The following VPS13B variants were observed in gnomAD, a reference collection of about 807,000 sequenced individuals.
The protein encoded by VPS13B is intermembrane lipid transfer protein VPS13B.
In VPS13B, 285 loss-of-function variants were observed where a neutral mutation model predicts 426.4. That is an observed-to-expected ratio of 0.67 (90% CI 0.61 to 0.74). The LOEUF (loss-of-function observed/expected upper bound fraction) is 0.74, where lower values mean the gene tolerates loss of function less well. VPS13B is among the 30% of genes least tolerant of loss of function. The probability of loss-of-function intolerance (pLI) is 0.00; values close to 1 mark genes in which losing one functional copy is unlikely to be tolerated. For missense variants in VPS13B, 4,537 were observed against 4,782.6 expected, an observed-to-expected ratio of 0.95 and a Z score of 1.51; for synonymous variants, 1,676 against 1,676.4, an observed-to-expected ratio of 1.00 and a Z score of 0.01.
In VPS13B at chr8:99,838,130, T is replaced by G. The variant is rs1004288447; in HGVS notation, c.9942+2392T>G. On this transcript the variant is annotated intron_variant, in intron 54 of 61. Transcript: ENST00000357162. ...AACATGTAGGCTGCAGAATACCGAT[T>G]GTGAAGTTGCTGTGGGCTTTCTGTG... Among the ~76,000 whole-genome samples the G allele has an allele frequency of 1.2e-4, 19 of 152,222 alleles. 1 individual carries two copies. Among genetic ancestry groups the G allele is most frequent in the Admixed American group, 1.2e-3 (19 of 15,284 alleles).
At chr8:99,495,412 T>A (rs1038202109) in intron 25 of VPS13B, among the ~76,000 whole-genome samples, 2 of 152,244 alleles carry the variant, frequency 1.3e-5, no homozygotes, top group Non-Finnish European at 2.9e-5. Flanking sequence ...AGATCTGGTA[T>A]CTGAACTTCT....
chr8:99,535,320 T>C (rs1264706802), intron 30 of VPS13B, among the ~76,000 whole-genome samples: 2 of 152,236 alleles, frequency 1.3e-5, no homozygotes, highest in African/African-American at 4.8e-5. Context: ...TGTTGTATTG[T>C]ATTCTGTGTT....
In VPS13B at chr8:99,766,987, T is replaced by A. The variant is rs967196002; in HGVS notation, c.7247+17T>A. 8.7e-6 allele frequency: 14 copies of A among 1,611,482 alleles called. No homozygotes were observed. The highest frequency in any genetic ancestry group is 1.1e-5 in the Non-Finnish European group (13 of 1,178,042). ...TGACCAAAGGTAATTCATTGAAAGA[T>A]GATATGGTAGCATTACACTGGGAAA... is the stretch of plus-strand genomic sequence containing the variant. On this transcript the variant is annotated intron_variant, in intron 40 of 61. Transcript: ENST00000357162.
chr8:99,737,092 T>C (rs937394494), intron 39 of VPS13B, among the ~76,000 whole-genome samples: 3 of 147,028 alleles, frequency 2.0e-5, no homozygotes, highest in Non-Finnish European at 4.5e-5. Context: ...AGGAAAGCCT[T>C]TGAAGATGTC....
At chr8:99,215,301 A>G (rs183216064) in intron 17 of VPS13B, among the ~76,000 whole-genome samples, 6 of 152,302 alleles carry the variant, frequency 3.9e-5, no homozygotes, top group Admixed American at 2.0e-4. Context: ...TAGTGAGCAA[A>G]GTAAATCACT....
chr8:99,066,693 A>G lies in VPS13B; in HGVS notation c.291+28127A>G, dbSNP rs1844538091. The stretch of plus-strand genomic sequence containing the variant: ...AAAGAGCTTCTGCACAGCAAAAGAA[A>G]CTACCATCAGAGTGAACAGGCAACC... On this transcript the variant is annotated intron_variant, in intron 3 of 61. Transcript: ENST00000357162. Among the ~76,000 whole-genome samples the G allele has an allele frequency of 2.0e-5, 3 of 152,374 alleles. No individual in the cohort carries two copies. The Middle Eastern group carries it at 0.01, about 518-fold the overall frequency.
chr8:99,655,715 G>A (rs1829998572), intron 34 of VPS13B, among the ~76,000 whole-genome samples: 1 of 152,176 alleles, frequency 6.6e-6, no homozygotes, highest in Admixed American at 6.5e-5. Context: ...TTCAGGTGCT[G>A]TTAGGTTCCA....
intron 43 of VPS13B, among the ~76,000 whole-genome samples, chr8:99,786,887 T>G (rs1173956939): frequency 6.6e-6 from 1 of 152,130 alleles, no homozygotes; most frequent in Non-Finnish European, 1.5e-5. Context: ...TTCATTACAT[T>G]CACAGTTGAA....
intron 6 of VPS13B, among the ~76,000 whole-genome samples, chr8:99,114,469 C>G (rs1251972912): frequency 2.0e-5 from 3 of 152,138 alleles, no homozygotes; most frequent in African/African-American, 4.8e-5. Context: ...ATACTTATGA[C>G]AGATTCTTTG....
At position 99,721,065 on chromosome 8, in the gene VPS13B, A is replaced by G. The variant is rs1477876868; in HGVS notation, c.7050+18A>G. On this transcript the variant is annotated intron_variant, in intron 39 of 61. Transcript: ENST00000357162. ...TGCTACAGGTATGTAATGACCATTC[A>G]TTGTAAAATGAAAACATTGTGGGAA... 1 of 1,613,246 alleles carries G rather than the reference A, an allele frequency of 6.2e-7. No individual in the cohort carries two copies. Among genetic ancestry groups the G allele is most frequent in the East Asian group, 2.2e-5 (1 of 44,860 alleles).
chr8:99,508,638 T>G (rs1821628109), intron 28 of VPS13B, among the ~76,000 whole-genome samples: 1 of 152,154 alleles, frequency 6.6e-6, no homozygotes, highest in African/African-American at 2.4e-5. Context: ...TTCCTCTCTT[T>G]GAATGTTCAT....
intron 3 of VPS13B, among the ~76,000 whole-genome samples, chr8:99,059,372 G>A (rs1259043904): frequency 2.6e-5 from 4 of 151,952 alleles, no homozygotes; most frequent in Non-Finnish European, 4.4e-5. Context: ...ACGGGGTTTC[G>A]CCATGTTGGC....
intron 35 of VPS13B, among the ~76,000 whole-genome samples, chr8:99,691,257 G>C (rs1377549011): frequency 6.6e-6 from 1 of 151,962 alleles, no homozygotes; most frequent in Non-Finnish European, 1.5e-5. Flanking sequence ...CTGTGTGTGT[G>C]TGTGTGTGTG....
intron 39 of VPS13B, among the ~76,000 whole-genome samples, chr8:99,735,858 G>C (rs1221728299): frequency 1.3e-5 from 2 of 152,098 alleles, no homozygotes; most frequent in African/African-American, 2.4e-5. Context: ...GGTGGAAAAC[G>C]CTGCGAATTT....
At chr8:99,773,013 AC>A (rs1370627970) in intron 40 of VPS13B, among the ~76,000 whole-genome samples, 1 of 152,156 alleles carries the variant, frequency 6.6e-6, no homozygotes, top group African/African-American at 2.4e-5. Context: ...ATTAACATTA[AC>A]CTATGTAGCC....
chr8:99,442,386 GCTTTT>G lies in VPS13B; in HGVS notation c.3211-7_3211-3del. ...AGTCTAATCCGAATATTTTAATTCT[GCTTTT>G]CTTTTCTAGCTTGAAGTACAATCTT... On this transcript the variant is annotated splice_polypyrimidine_tract_variant and intron_variant, in intron 22 of 61. Coordinates refer to ENST00000357162, the MANE Select transcript of VPS13B (RefSeq NM_152564.5). The G allele has an allele frequency of 6.2e-7, 1 of 1,606,546 alleles. No individual in the cohort carries two copies. Among genetic ancestry groups the G allele is most frequent in the Non-Finnish European group, 8.5e-7 (1 of 1,173,382 alleles).
At position 99,487,051 on chromosome 8, in the gene VPS13B, G is replaced by A. The variant is rs150253392; in HGVS notation, c.3870+5249G>A. Among the ~76,000 whole-genome samples, 266 of 149,630 alleles carry A rather than the reference G, an allele frequency of 1.8e-3. 1 individual carries two copies. The highest frequency in any genetic ancestry group is 6.4e-3 in the African/African-American group (260 of 40,526). On this transcript the variant is annotated intron_variant, in intron 25 of 61. Coordinates refer to ENST00000357162, the MANE Select transcript of VPS13B (RefSeq NM_152564.5). ...TATCAGAACAGGGAATAAATACCCA[G>A]ACTTCATTCTCCACTTCCTCTGTCT...
chr8:99,600,101 AC>A (rs1251975226), intron 33 of VPS13B, among the ~76,000 whole-genome samples: 3 of 152,130 alleles, frequency 2.0e-5, no homozygotes, highest in Non-Finnish European at 4.4e-5. Flanking sequence ...AATGTGTATT[AC>A]TTAGGCAACT....
chr8:99,256,371 A>G (rs974140072), intron 17 of VPS13B, among the ~76,000 whole-genome samples: 2 of 152,196 alleles, frequency 1.3e-5, no homozygotes, highest in African/African-American at 4.8e-5. Context: ...AGGTATACAA[A>G]TATCTTTTTG....
Sources: gnomAD v4.1 joint callset for allele counts (sites outside exome capture counted in the v4.1 genomes callset) on GRCh38, gnomAD v4.1.1 for gene constraint, MANE v1.5 for transcripts, NCBI Gene and HGNC (gene_info 2026-07-23, HGNC 2026-07-21) for gene names.